Variants in SEPTIN7 observed in about 807,000 individuals in gnomAD.
SEPTIN7 encodes the protein septin 7.
Under a neutral mutation model 63.3 loss-of-function variants are expected in SEPTIN7, and 10 were observed. That is an observed-to-expected ratio of 0.16 (90% confidence interval 0.10 to 0.27). The LOEUF (loss-of-function observed/expected upper bound fraction) is 0.27, where lower values mean the gene tolerates loss of function less well. SEPTIN7 is among the 10% of genes least tolerant of loss of function. SEPTIN7 has a pLI of 1.00. For missense variants in SEPTIN7, 310 were observed against 521.0 expected (o/e 0.59, Z 3.94); for synonymous variants, 131 against 165.3 (o/e 0.79, Z 1.59).
intron 3 of SEPTIN7, among the ~76,000 whole-genome samples, chr7:35,840,902 C>T (rs1784377233): frequency 6.6e-6 from 1 of 152,174 alleles, no homozygotes; most frequent in Non-Finnish European, 1.5e-5. Context: ...TTATCTTAAT[C>T]ATTTACTAAT....
At chr7:35,838,230 ATCCAAACTTCCTTCCT>A (rs1784176979) in intron 3 of SEPTIN7, among the ~76,000 whole-genome samples, 1 of 136,614 alleles carries the variant, frequency 7.3e-6, no homozygotes, top group African/African-American at 2.7e-5. Context: ...TTTTTATATT[ATCCAAACTTCCTTCCT>A]TCCTTCCTTC....
intron 9 of SEPTIN7, 55 bp from the exon 10 acceptor site, chr7:35,885,773 G>T: frequency 7.4e-7 from 1 of 1,360,146 alleles, no homozygotes; most frequent in Non-Finnish European, 1.0e-6. Context: ...AATATTTTTT[G>T]AAAAGACTAG....
chr7:35,876,991 TG>T (rs1377954687), intron 6 of SEPTIN7, among the ~76,000 whole-genome samples: 1 of 151,862 alleles, frequency 6.6e-6, no homozygotes, highest in East Asian at 1.9e-4. Context: ...TAGCTGGGCC[TG>T]GGGGTGCACT....
At chr7:35,820,376 C>T (rs1211537858) in intron 1 of SEPTIN7, among the ~76,000 whole-genome samples, 1 of 152,006 alleles carries the variant, frequency 6.6e-6, no homozygotes, top group Non-Finnish European at 1.5e-5. Context: ...TTTTCTCCTT[C>T]CCTCCCTTAC....
chr7:35,890,618 T>A, intron 10 of SEPTIN7, 50 bp from the exon 11 acceptor site: 1 of 1,359,416 alleles, frequency 7.4e-7, no homozygotes, highest in Non-Finnish European at 9.5e-7. Flanking sequence ...TTAAGCTTTT[T>A]TCCCCCTAGC....
chr7:35,824,065 CTGT>C (rs944542324), intron 1 of SEPTIN7, among the ~76,000 whole-genome samples: 6 of 149,486 alleles, frequency 4.0e-5, no homozygotes, highest in African/African-American at 1.5e-4. Context: ...GGCTGCTATC[CTGT>C]TGTTCTTCTC....
At chr7:35,914,395 A>G in the SEPTIN7 span, among the ~76,000 whole-genome samples, 4 of 152,178 alleles carry the variant, frequency 2.6e-5, no homozygotes, top group Admixed American at 6.5e-5. Context: ...ATTACTCTCC[A>G]TAGTGGGATG....
intron 3 of SEPTIN7, among the ~76,000 whole-genome samples, chr7:35,852,925 A>G (rs1785030389): frequency 6.6e-6 from 1 of 152,052 alleles, no homozygotes; most frequent in African/African-American, 2.4e-5. Context: ...ATCTTGTAAA[A>G]TGTTCTTTTT....
intron 1 of SEPTIN7, among the ~76,000 whole-genome samples, chr7:35,824,369 G>A (rs931881416): frequency 6.6e-6 from 1 of 152,092 alleles, no homozygotes. Context: ...TTGTTTAGGT[G>A]ATTATGATGG....
At chr7:35,885,714 ATC>A in intron 9 of SEPTIN7, 112 bp from the exon 10 acceptor site, 1 of 757,008 alleles carries the variant, frequency 1.3e-6, no homozygotes, top group South Asian at 1.5e-5. Context: ...AAAAAAATTG[ATC>A]TGTTTTGCAT....
In SEPTIN7 at chr7:35,905,609, C is replaced by T. The variant is rs1788572839; in HGVS notation, c.*1316C>T. The T allele has an allele frequency of 6.6e-6, 1 of 152,168 alleles. No individual in the cohort carries two copies. Among genetic ancestry groups the T allele is most frequent in the African/African-American group, 2.4e-5 (1 of 41,422 alleles). 9.4% of individuals were successfully genotyped at this position (152,168 alleles called of 1,614,324 possible). Reference sequence around the variant, plus strand: ...ACACGACTTGACTGCAGCCTCAACCCTCTGGGCTCAAGCAGTCCTCCTGCC... The same window carrying T: ...ACACGACTTGACTGCAGCCTCAACCTTCTGGGCTCAAGCAGTCCTCCTGCC... On this transcript the variant is annotated 3_prime_UTR_variant, in exon 14 of 14. Coordinates refer to ENST00000350320, the MANE Select transcript of SEPTIN7 (RefSeq NM_001788.6).
intron 1 of SEPTIN7, among the ~76,000 whole-genome samples, chr7:35,814,560 C>T (rs879682373): frequency 3.9e-5 from 6 of 152,092 alleles, no homozygotes; most frequent in Non-Finnish European, 8.8e-5. Flanking sequence ...CACTTTTACC[C>T]ACTAACTTTA....
chr7:35,804,976 G>C (rs530503760), intron 1 of SEPTIN7, among the ~76,000 whole-genome samples: 1 of 152,156 alleles, frequency 6.6e-6, no homozygotes, highest in South Asian at 2.1e-4. Context: ...GAGTAGCTGG[G>C]ATTACAGGTG....
intron 12 of SEPTIN7, chr7:35,902,121 G>T (rs1452087408): frequency 6.6e-6 from 1 of 151,070 alleles, no homozygotes; most frequent in Non-Finnish European, 1.5e-5. Flanking sequence ...AGTAAAATCT[G>T]TAACAGAACA....
At chr7:35,830,384 TCATTGGTACA>T (rs900848044) in intron 1 of SEPTIN7, among the ~76,000 whole-genome samples, 2 of 152,146 alleles carry the variant, frequency 1.3e-5, no homozygotes, top group East Asian at 3.9e-4. Context: ...CTAGTGGCTT[TCATTGGTACA>T]CATTGGAACT....
At chr7:35,801,674 C>T (rs1251405334) in intron 1 of SEPTIN7, among the ~76,000 whole-genome samples, 2 of 152,190 alleles carry the variant, frequency 1.3e-5, no homozygotes, top group African/African-American at 4.8e-5. Flanking sequence ...CTCCTGTCCC[C>T]GGCCGCATCC....
At chr7:35,837,869 T>A (rs1784153868) in intron 3 of SEPTIN7, among the ~76,000 whole-genome samples, 1 of 151,990 alleles carries the variant, frequency 6.6e-6, no homozygotes. Flanking sequence ...GGACTACAGG[T>A]GTGCACCACC....
chr7:35,850,742 T>C (rs2116053488), intron 3 of SEPTIN7, among the ~76,000 whole-genome samples: 1 of 152,300 alleles, frequency 6.6e-6, no homozygotes, highest in East Asian at 1.9e-4. Flanking sequence ...GTTTGTACAT[T>C]GTTTGCATAT....
At chr7:35,828,444 C>T (rs1783629044) in intron 1 of SEPTIN7, among the ~76,000 whole-genome samples, 1 of 152,098 alleles carries the variant, frequency 6.6e-6, no homozygotes, top group South Asian at 2.1e-4. Context: ...GGCACGATCT[C>T]AGCTCACTGC....
Sources: allele counts gnomAD v4.1 joint callset (sites outside exome capture counted in the v4.1 genomes callset), GRCh38; gene constraint gnomAD v4.1.1; transcripts MANE v1.5; gene names NCBI Gene and HGNC (gene_info 2026-07-23, HGNC 2026-07-21).